MGAT4C: variants seen among roughly 807,000 people sequenced by gnomAD.
MGAT4C encodes MGAT4 family member C.
In MGAT4C, 19 loss-of-function variants were observed where a neutral mutation model predicts 40.1. The ratio of observed to expected loss-of-function variants is 0.47; its 90% confidence interval spans 0.33 to 0.70. The LOEUF is 0.70. Among genes scored for constraint, MGAT4C ranks in the 30% least tolerant of loss-of-function variants. The pLI, the probability that MGAT4C is intolerant of heterozygous loss-of-function variation, is 0.02. For missense variants in MGAT4C, 491 were observed against 563.2 expected, an observed-to-expected ratio of 0.87 and a Z score of 1.30; for synonymous variants, 181 against 187.1, an observed-to-expected ratio of 0.97 and a Z score of 0.27.
intron 2 of MGAT4C, among the ~76,000 whole-genome samples, chr12:86,017,759 C>T (rs1177800801): frequency 6.6e-6 from 1 of 152,028 alleles, no homozygotes; most frequent in Non-Finnish European, 1.5e-5. Flanking sequence ...TCTTCACTGC[C>T]TTGTACATAT....
intron 2 of MGAT4C, among the ~76,000 whole-genome samples, chr12:86,583,024 T>A (rs920486447): frequency 1.3e-5 from 2 of 151,202 alleles, no homozygotes; most frequent in Non-Finnish European, 3.0e-5. Flanking sequence ...AAAGAGAAAA[T>A]AAGGACAGTA....
intron 2 of MGAT4C, among the ~76,000 whole-genome samples, chr12:86,610,625 T>C (rs566646888): frequency 6.6e-6 from 1 of 151,906 alleles, no homozygotes; most frequent in African/African-American, 2.4e-5. Flanking sequence ...TTAGGGTACA[T>C]GTGCACAACG....
In MGAT4C at chr12:85,959,460, T is replaced by A. The variant is rs1882993106; in HGVS notation, c.*19829A>T. The stretch of plus-strand genomic sequence containing the variant: ...TCTTTTTTATTTTTGCCATTTCTTC[T>A]CAGGAGCCCCTGCAATTTCAAACCT... On this transcript the variant is annotated 3_prime_UTR_variant, in exon 5 of 5. Coordinates refer to ENST00000611864, the MANE Select transcript of MGAT4C (RefSeq NM_001351288.2). 6.6e-6 allele frequency: 1 copy of A among 152,062 alleles called. No homozygotes were observed. Among genetic ancestry groups the A allele is most frequent in the South Asian group, 2.1e-4 (1 of 4,834 alleles). 9.4% of individuals were successfully genotyped at this position (152,062 alleles called of 1,614,324 possible).
chr12:86,470,612 C>G (rs1957744662), intron 2 of MGAT4C, among the ~76,000 whole-genome samples: 1 of 152,118 alleles, frequency 6.6e-6, no homozygotes. Context: ...TCTCTATTTA[C>G]TTTGCTTTGG....
chr12:86,340,847 T>A (rs1176867964), intron 3 of MGAT4C, among the ~76,000 whole-genome samples: 1 of 152,086 alleles, frequency 6.6e-6, no homozygotes, highest in Non-Finnish European at 1.5e-5. Context: ...TCAGAAGAAG[T>A]CTTCACAAGT....
chr12:86,386,412 A>C (rs1006428294), intron 3 of MGAT4C, among the ~76,000 whole-genome samples: 2 of 152,158 alleles, frequency 1.3e-5, no homozygotes, highest in Non-Finnish European at 2.9e-5. Context: ...CTATGTTCCC[A>C]ATCACTGGTA....
intron 2 of MGAT4C, among the ~76,000 whole-genome samples, chr12:86,508,229 C>T (rs1167171939): frequency 6.6e-6 from 1 of 151,862 alleles, no homozygotes; most frequent in East Asian, 1.9e-4. Flanking sequence ...ATACGACAGT[C>T]CCCAGAGCGT....
At chr12:86,654,748 A>G (rs1043663657) in intron 2 of MGAT4C, among the ~76,000 whole-genome samples, 1 of 149,748 alleles carries the variant, frequency 6.7e-6, no homozygotes, top group African/African-American at 2.5e-5. Flanking sequence ...TTAAAGTTAT[A>G]TATGAAAACT....
chr12:86,418,361 G>A (rs1956759475), intron 3 of MGAT4C, among the ~76,000 whole-genome samples: 1 of 152,042 alleles, frequency 6.6e-6, no homozygotes, highest in Admixed American at 6.6e-5. Flanking sequence ...CCAACACTTT[G>A]GGAGGCCGAG....
At chr12:86,501,722 AT>A (rs1958346759) in intron 2 of MGAT4C, among the ~76,000 whole-genome samples, 1 of 151,914 alleles carries the variant, frequency 6.6e-6, no homozygotes, top group African/African-American at 2.4e-5. Flanking sequence ...TATATGCCAA[AT>A]TTTCTTTTTC....
At chr12:86,001,054 C>T (rs1887241135) in intron 2 of MGAT4C, among the ~76,000 whole-genome samples, 1 of 152,148 alleles carries the variant, frequency 6.6e-6, no homozygotes, top group South Asian at 2.1e-4. Flanking sequence ...GGACAATTTC[C>T]TTATCCTGTC....
rs570172747 is a variant in MGAT4C at position 86,179,666 on chromosome 12, T to C, written c.-57+76573A>G. Among the ~76,000 whole-genome samples, 4 of 152,296 alleles carry C rather than the reference T, an allele frequency of 2.6e-5. No homozygotes were observed. The South Asian group carries it at 8.3e-4, about 32-fold the overall frequency. On this transcript the variant is annotated intron_variant, in intron 1 of 4. Coordinates refer to ENST00000611864, the MANE Select transcript of MGAT4C (RefSeq NM_001351288.2). ...TGTTTTAGCAAAGAGACTGGCAGCATTTAGCCCCTGCCCTAGAGATTTGTG... is the reference window on the plus strand; with the variant it reads ...TGTTTTAGCAAAGAGACTGGCAGCACTTAGCCCCTGCCCTAGAGATTTGTG...
At chr12:86,611,748 T>G (rs1962290826) in intron 2 of MGAT4C, among the ~76,000 whole-genome samples, 1 of 152,216 alleles carries the variant, frequency 6.6e-6, no homozygotes, top group African/African-American at 2.4e-5. Flanking sequence ...TTTATTGTTA[T>G]ACTTTATTTA....
intron 1 of MGAT4C, among the ~76,000 whole-genome samples, chr12:86,232,351 AT>A (rs942124808): frequency 1.3e-5 from 2 of 152,062 alleles, no homozygotes; most frequent in Admixed American, 6.6e-5. Flanking sequence ...AGTTCAAGAA[AT>A]TTTTTTTCTC....
intron 2 of MGAT4C, among the ~76,000 whole-genome samples, chr12:86,687,315 G>A (rs1302749331): frequency 6.6e-6 from 1 of 152,138 alleles, no homozygotes. Context: ...TTTTTGAAGG[G>A]TTTTTCGTGT....
At chr12:86,793,377 T>G (rs2136195073) in intron 1 of MGAT4C, among the ~76,000 whole-genome samples, 1 of 152,276 alleles carries the variant, frequency 6.6e-6, no homozygotes, top group African/African-American at 2.4e-5. Flanking sequence ...CTACTCTTTC[T>G]AAACATAAAA....
intron 1 of MGAT4C, among the ~76,000 whole-genome samples, chr12:86,808,141 T>C (rs576684519): frequency 6.6e-6 from 1 of 152,152 alleles, no homozygotes; most frequent in Non-Finnish European, 1.5e-5. Flanking sequence ...AGTAATAGCC[T>C]ACCAACCAAA....
chr12:86,567,853 ATTTCC>A (rs1161154746), intron 2 of MGAT4C, among the ~76,000 whole-genome samples: 3 of 152,110 alleles, frequency 2.0e-5, no homozygotes, highest in Non-Finnish European at 4.4e-5. Flanking sequence ...TCTTCATTTT[ATTTCC>A]TTTCTTTTTC....
chr12:86,539,472 C>T (rs1290097776), intron 2 of MGAT4C, among the ~76,000 whole-genome samples: 3 of 152,104 alleles, frequency 2.0e-5, no homozygotes, highest in East Asian at 1.9e-4. Context: ...TGAATAGTGC[C>T]GCAATAAACA....
Sources: gnomAD v4.1 joint callset for allele counts (sites outside exome capture counted in the v4.1 genomes callset) on GRCh38, gnomAD v4.1.1 for gene constraint, MANE v1.5 for transcripts, NCBI Gene and HGNC (gene_info 2026-07-23, HGNC 2026-07-21) for gene names.